CEP192: variants seen among roughly 807,000 people sequenced by gnomAD.
CEP192 encodes the protein centrosomal protein 192, also known as centrosomal protein of 192 kDa.
In CEP192, 151 loss-of-function variants were observed where a neutral mutation model predicts 271.8. The ratio of observed to expected loss-of-function variants is 0.56; its 90% CI spans 0.49 to 0.64. CEP192 has a LOEUF of 0.64. CEP192 is among the 30% of genes least tolerant of loss of function. The probability of loss-of-function intolerance (pLI) is 0.00; values close to 1 mark genes in which losing one functional copy is unlikely to be tolerated. For synonymous variants in CEP192, 995 were observed against 1,076.5 expected (o/e 0.92, Z 1.48); for missense variants, 2,910 against 3,020.5 (o/e 0.96, Z 0.86).
Position 13,048,332 on chromosome 18 carries a change from G to A in CEP192, c.2068-527G>A, listed in dbSNP as rs569976226. ...TCACTTGTTGCCCGTTAGTCACTTA[G>A]TAGTGTTTGGTGATCAGATCGACTC... On this transcript the variant is annotated intron_variant, in intron 15 of 44. Transcript: ENST00000506447. Among the ~76,000 whole-genome samples, 310 of 152,268 alleles carry A rather than the reference G, an allele frequency of 2.0e-3. 1 individual carries two copies. Among genetic ancestry groups the A allele is most frequent in the Non-Finnish European group, 3.8e-3 (258 of 68,026 alleles).
chr18:13,067,652 G>T lies in CEP192; in HGVS notation c.4489-179G>T, dbSNP rs560195754. On this transcript the variant is annotated intron_variant, in intron 21 of 44. Transcript: ENST00000506447. Reference sequence around the variant, plus strand: ...GGGTACATAGACTACCTCAAAAGAAGAATTTAACATTTATTTTTGTAGAAA... The same window carrying T: ...GGGTACATAGACTACCTCAAAAGAATAATTTAACATTTATTTTTGTAGAAA... Among the ~76,000 whole-genome samples the T allele has an allele frequency of 2.6e-5, 4 of 152,256 alleles. No individual in the cohort carries two copies. In the East Asian group the frequency reaches 7.7e-4, roughly 29 times the overall value.
chr18:13,072,734 A>T lies in CEP192; in HGVS notation c.5349-21A>T, dbSNP rs551311349. 43 of 1,494,082 alleles carry T rather than the reference A, an allele frequency of 2.9e-5. No individual in the cohort carries two copies. The African/African-American group carries it at 5.7e-4, about 20-fold the overall frequency. 92.6% of individuals were successfully genotyped at this position (1,494,082 alleles called of 1,614,324 possible). A position where few individuals can be genotyped will look rare whatever the true frequency, so the allele number is the denominator to read the frequency against. ...ATATCCATGGAGAAAAACCATATTT[A>T]AAATGTCTAATTGTTTTTAGGCTTC... On this transcript the variant is annotated intron_variant, in intron 28 of 44. Coordinates refer to ENST00000506447, the MANE Select transcript of CEP192 (RefSeq NM_032142.4).
chr18:13,051,043 A>T (rs1439827840), intron 17 of CEP192, among the ~76,000 whole-genome samples: 1 of 152,174 alleles, frequency 6.6e-6, no homozygotes, highest in African/African-American at 2.4e-5. Flanking sequence ...GACTAGAGGG[A>T]TATCTGAGAC....
Position 13,073,178 on chromosome 18 carries a change from A to C in CEP192, c.5609A>C (p.Lys1870Thr). ...GGAAATCGATCACAACCAGGCATTA[A>C]GTTCACAGTAAGATCATTTTATTGC... ...QLGNRSQPGI[K>T]FTIPLSGYGG... The change falls in exon 30 of 45, where the codon AAG (lysine) becomes ACG (threonine). Residue 1870 changes from lysine to threonine, a missense_variant. By Grantham distance (78) the Lys-to-Thr change is moderately conservative (BLOSUM62 -1). Coordinates refer to ENST00000506447, the MANE Select transcript of CEP192 (RefSeq NM_032142.4). 6.2e-7 allele frequency: 1 copy of C among 1,605,968 alleles called. No homozygotes were observed. Among genetic ancestry groups the C allele is most frequent in the Non-Finnish European group, 8.5e-7 (1 of 1,177,422 alleles).
chr18:13,086,462 C>T (rs1030508068), intron 30 of CEP192, among the ~76,000 whole-genome samples: 2 of 152,118 alleles, frequency 1.3e-5, no homozygotes, highest in Non-Finnish European at 2.9e-5. Flanking sequence ...CTTGCACTTC[C>T]CAGGTAAGGC....
intron 21 of CEP192, among the ~76,000 whole-genome samples, chr18:13,060,444 A>G (rs1343766549): frequency 6.6e-6 from 1 of 152,216 alleles, no homozygotes; most frequent in Non-Finnish European, 1.5e-5. Flanking sequence ...ACTTGGAGAC[A>G]TTATAAACAC....
At chr18:12,992,062 C>T (rs1274953160) in intron 1 of CEP192, among the ~76,000 whole-genome samples, 1 of 152,216 alleles carries the variant, frequency 6.6e-6, no homozygotes, top group Non-Finnish European at 1.5e-5. Context: ...TTAATACACT[C>T]TACTTTTACT....
At chr18:13,032,781 C>G (rs2035705636) in intron 11 of CEP192, among the ~76,000 whole-genome samples, 1 of 152,206 alleles carries the variant, frequency 6.6e-6, no homozygotes, top group African/African-American at 2.4e-5. Flanking sequence ...CAGAATCACC[C>G]TCCCCTCCCT....
chr18:13,011,397 T>G (rs1393694256), intron 4 of CEP192, among the ~76,000 whole-genome samples: 3 of 152,162 alleles, frequency 2.0e-5, no homozygotes, highest in Non-Finnish European at 4.4e-5. Context: ...ATAGCCACTT[T>G]GGAAAGCAGT....
chr18:13,093,310 T>TA (rs1414630899), intron 34 of CEP192, among the ~76,000 whole-genome samples: 2 of 152,244 alleles, frequency 1.3e-5, no homozygotes, highest in African/African-American at 4.8e-5. Flanking sequence ...ATGTTATAGT[T>TA]AAATGACAAA....
intron 40 of CEP192, among the ~76,000 whole-genome samples, chr18:13,111,105 G>C (rs933582743): frequency 1.3e-5 from 2 of 152,096 alleles, no homozygotes; most frequent in Admixed American, 6.6e-5. Flanking sequence ...ATCCAATTGA[G>C]TTGACACCTA....
At position 12,993,240 on chromosome 18, in the gene CEP192, A is replaced by G. The variant is rs543505291; in HGVS notation, c.-5+1803A>G. Among the ~76,000 whole-genome samples, 96 of 152,334 alleles carry G rather than the reference A, an allele frequency of 6.3e-4. No individual in the cohort carries two copies. In the South Asian group the frequency reaches 0.01, roughly 16 times the overall value. On this transcript the variant is annotated intron_variant, in intron 1 of 44. Coordinates refer to ENST00000506447, the MANE Select transcript of CEP192 (RefSeq NM_032142.4). Reference sequence around the variant, plus strand: ...ATAGGGATGGATTTGGGTGAAGACTAAAGATAACGGCGGGAATGAATGGAG... The same window carrying G: ...ATAGGGATGGATTTGGGTGAAGACTGAAGATAACGGCGGGAATGAATGGAG...
intron 15 of CEP192, among the ~76,000 whole-genome samples, chr18:13,042,782 A>G (rs961292897): frequency 2.6e-5 from 4 of 152,078 alleles, no homozygotes; most frequent in Non-Finnish European, 5.9e-5. Context: ...ATATAAACTT[A>G]TTTTTATTAC....
intron 44 of CEP192, among the ~76,000 whole-genome samples, chr18:13,123,757 G>A (rs765440163): frequency 2.7e-4 from 41 of 152,192 alleles, no homozygotes; most frequent in Admixed American, 7.9e-4. Flanking sequence ...TTAGGACATA[G>A]TTTTAGGGAC....
intron 9 of CEP192, among the ~76,000 whole-genome samples, chr18:13,027,567 TTTTAGAGGCCCCAG>T (rs1358860333): frequency 1.3e-5 from 2 of 152,144 alleles, no homozygotes; most frequent in African/African-American, 4.8e-5. Context: ...GTCTCTCCAG[TTTTAGAGGCCCCAG>T]TTTATCCTGT....
intron 4 of CEP192, among the ~76,000 whole-genome samples, chr18:13,009,283 T>G (rs2034187398): frequency 6.6e-6 from 1 of 152,228 alleles, no homozygotes; most frequent in African/African-American, 2.4e-5. Context: ...TTGACTCATT[T>G]AAGCTGAAAT....
rs139035228 is a variant in CEP192 at position 13,075,877 on chromosome 18, A to T, written c.5616+2692A>T. On this transcript the variant is annotated intron_variant, in intron 30 of 44. Coordinates refer to ENST00000506447, the MANE Select transcript of CEP192 (RefSeq NM_032142.4). ...CAAGGTTCAAATTCAGTCTGGGTGAATGCAGAGCCCACGTTTATGTATTGT... is the reference window on the plus strand; with the variant it reads ...CAAGGTTCAAATTCAGTCTGGGTGATTGCAGAGCCCACGTTTATGTATTGT... 4.1e-4 allele frequency among the ~76,000 whole-genome samples: 62 copies of T among 152,326 alleles called. No homozygotes were observed. In the East Asian group the frequency reaches 0.011, roughly 28 times the overall value.
At chr18:13,111,168 AGGCT>A (rs2040192367) in intron 40 of CEP192, among the ~76,000 whole-genome samples, 1 of 152,228 alleles carries the variant, frequency 6.6e-6, no homozygotes, top group African/African-American at 2.4e-5. Context: ...TCTGTTGCCC[AGGCT>A]GGAGTGCAGT....
chr18:13,117,377 C>T (rs1397511550), intron 43 of CEP192, among the ~76,000 whole-genome samples: 1 of 152,046 alleles, frequency 6.6e-6, no homozygotes, highest in African/African-American at 2.4e-5. Context: ...TTCTGGACAA[C>T]CTTTACTTTA....
Sources: allele counts gnomAD v4.1 joint callset (sites outside exome capture counted in the v4.1 genomes callset), GRCh38; gene constraint gnomAD v4.1.1; transcripts MANE v1.5; gene names NCBI Gene and HGNC (gene_info 2026-07-23, HGNC 2026-07-21).